RAD54L2: variants seen among roughly 807,000 people sequenced by gnomAD.
RAD54L2 encodes RAD54 like 2.
RAD54L2 carries 27 observed loss-of-function variants against 138.4 expected under a neutral mutation model. That is an observed-to-expected ratio of 0.20 (90% CI 0.14 to 0.27). RAD54L2 has a LOEUF of 0.27. Ranked by LOEUF, RAD54L2 falls within the 10% of genes least tolerant of loss-of-function variation. RAD54L2 has a pLI of 1.00. For missense variants in RAD54L2, 1,396 were observed against 1,890.2 expected (o/e 0.74, Z 4.85); for synonymous variants, 644 against 723.2 (o/e 0.89, Z 1.76).
chr3:51,581,964 C>CTTTTTTTTTTTT, intron 2 of RAD54L2, among the ~76,000 whole-genome samples: 1 of 151,372 alleles, frequency 6.6e-6, no homozygotes. Flanking sequence ...TACTCTGTCA[C>CTTTTTTTTTTTT]CCAGGCTGAA....
chr3:51,562,472 T>C (rs943899267), intron 2 of RAD54L2, among the ~76,000 whole-genome samples: 6 of 152,128 alleles, frequency 3.9e-5, no homozygotes, highest in African/African-American at 1.2e-4. Flanking sequence ...TCAGGTGATC[T>C]GCCCGCCTGG....
chr3:51,622,053 G>A (rs895774406), intron 3 of RAD54L2, among the ~76,000 whole-genome samples: 2 of 152,182 alleles, frequency 1.3e-5, no homozygotes, highest in Non-Finnish European at 2.9e-5. Flanking sequence ...CTTTGGAGGG[G>A]TAGAGGGCCA....
At chr3:51,557,513 A>T (rs1048988124) in intron 2 of RAD54L2, among the ~76,000 whole-genome samples, 3 of 151,704 alleles carry the variant, frequency 2.0e-5, no homozygotes, top group African/African-American at 7.3e-5. Context: ...CTAGATCTAG[A>T]CATTGACACT....
chr3:51,577,371 C>G (rs938595369), intron 2 of RAD54L2, among the ~76,000 whole-genome samples: 2 of 152,142 alleles, frequency 1.3e-5, no homozygotes, highest in Non-Finnish European at 2.9e-5. Context: ...CTGCTTGGTG[C>G]AGAGCTGAGT....
intron 2 of RAD54L2, among the ~76,000 whole-genome samples, chr3:51,565,715 C>T (rs1210809670): frequency 2.6e-5 from 4 of 151,960 alleles, no homozygotes; most frequent in Admixed American, 6.6e-5. Flanking sequence ...TCAGGTGATC[C>T]GCCCGTCTCG....
At chr3:51,651,865 G>A (rs949413486) in intron 19 of RAD54L2, among the ~76,000 whole-genome samples, 1 of 152,196 alleles carries the variant, frequency 6.6e-6, no homozygotes. Context: ...CCTTCCCTTT[G>A]AAAACTGGCA....
At position 51,637,683 on chromosome 3, in the gene RAD54L2, C is replaced by A. The variant is rs753200520; in HGVS notation, c.1682+180C>A. ...GGTGGATATCCACTGTTTCAGTTCTCTGAAAGTTTGGCCTAGAAGTGCTTC... is the reference window on the plus strand; with the variant it reads ...GGTGGATATCCACTGTTTCAGTTCTATGAAAGTTTGGCCTAGAAGTGCTTC... On this transcript the variant is annotated intron_variant, in intron 11 of 22. Transcript: ENST00000684192. This position sits in a 1 kb window ranked among gnomAD's most constrained non-coding sequence, Gnocchi z 5.9. Among the ~76,000 whole-genome samples the A allele has an allele frequency of 3.3e-5, 5 of 152,250 alleles. No homozygotes were observed. Among genetic ancestry groups the A allele is most frequent in the African/African-American group, 1.2e-4 (5 of 41,462 alleles).
At position 51,630,772 on chromosome 3, in the gene RAD54L2, T is replaced by C; in HGVS notation, c.666T>C (p.Ser222=). 6.2e-7 allele frequency: 1 copy of C among 1,613,956 alleles called. No homozygotes were observed. The highest frequency in any genetic ancestry group is 8.5e-7 in the Non-Finnish European group (1 of 1,179,858). ...LHIVDSSESV[S]EDDEEEEKGG... ...TTGTGGACAGCAGTGAATCTGTCAG[T>C]GAAGATGATGAGGAAGAAGAGAAGG... Residue 222 remains serine (S), a synonymous_variant, in exon 7 of 23, where the codon AGT becomes AGC. Transcript: ENST00000684192.
chr3:51,634,989 T>C (rs1316030675), intron 9 of RAD54L2, among the ~76,000 whole-genome samples: 1 of 152,218 alleles, frequency 6.6e-6, no homozygotes, highest in Non-Finnish European at 1.5e-5. Context: ...CCTTTTGTGA[T>C]GTTTGGACAC....
At chr3:51,574,290 G>T (rs1699411728) in intron 2 of RAD54L2, among the ~76,000 whole-genome samples, 1 of 152,104 alleles carries the variant, frequency 6.6e-6, no homozygotes, top group Non-Finnish European at 1.5e-5. Context: ...ATTGTGAATA[G>T]TGCCACGATA....
At chr3:51,641,957 A>T in intron 15 of RAD54L2, 90 bp downstream of exon 15, 1 of 885,892 alleles carries the variant, frequency 1.1e-6, no homozygotes, top group Non-Finnish European at 1.8e-6. Flanking sequence ...TCTCCACTCC[A>T]TCAAATGCAT....
Position 51,637,019 on chromosome 3 carries a change from C to A in RAD54L2, c.1340-142C>A. ...ATCCAGGAGCTTGAATGGCTGGCAC[C>A]CTCTCACCAAGGGGGGCTGACTCTT... On this transcript the variant is annotated intron_variant, in intron 10 of 22. Transcript: ENST00000684192. The surrounding 1 kb of genome is among the most constrained non-coding windows in gnomAD (Gnocchi z 5.9). 1.4e-6 allele frequency: 1 copy of A among 700,790 alleles called. No individual in the cohort carries two copies. Among genetic ancestry groups the A allele is most frequent in the Non-Finnish European group, 2.4e-6 (1 of 410,844 alleles). 43.4% of individuals were successfully genotyped at this position (700,790 alleles called of 1,614,324 possible). A position where few individuals can be genotyped will look rare whatever the true frequency, so the allele number is the denominator to read the frequency against.
intron 19 of RAD54L2, among the ~76,000 whole-genome samples, chr3:51,655,750 T>C (rs1229943443): frequency 1.3e-5 from 2 of 152,340 alleles, no homozygotes; most frequent in African/African-American, 4.8e-5. Flanking sequence ...CTGATTCTCC[T>C]TAGACTTTGA....
intron 7 of RAD54L2, among the ~76,000 whole-genome samples, chr3:51,632,318 A>G (rs1422443822): frequency 1.3e-5 from 2 of 151,898 alleles, no homozygotes; most frequent in African/African-American, 4.8e-5. Context: ...TGTTGAGACG[A>G]AGTCTCACTC....
intron 15 of RAD54L2, 90 bp from the exon 16 acceptor site, chr3:51,643,785 T>C (rs1358428267): frequency 4.0e-6 from 4 of 990,828 alleles, no homozygotes; most frequent in Non-Finnish European, 6.3e-6. Flanking sequence ...TTTCTATTTG[T>C]TTTGCTCTTT....
intron 14 of RAD54L2, among the ~76,000 whole-genome samples, chr3:51,641,149 C>T (rs550891758): frequency 1.6e-4 from 24 of 151,876 alleles, no homozygotes; most frequent in Non-Finnish European, 1.8e-4. Context: ...ACCACAGGCA[C>T]GTGCCACCAT....
chr3:51,663,714 T>C lies in RAD54L2; in HGVS notation c.*294T>C, dbSNP rs1250685714. 5.6e-6 allele frequency: 2 copies of C among 358,260 alleles called. No individual in the cohort carries two copies. Among genetic ancestry groups the C allele is most frequent in the Non-Finnish European group, 1.0e-5 (2 of 196,940 alleles). The allele number at this position is 358,260 out of a possible 1,614,324, so 22.2% of individuals were successfully genotyped here. On this transcript the variant is annotated 3_prime_UTR_variant, in exon 23 of 23. Transcript: ENST00000684192. ...TCCTTCCTGCCTTGCTTATGCTGTC[T>C]GCTTGCTTGCTCGCCCATCTGAGTG...
chr3:51,632,570 C>T (rs1319966461), intron 7 of RAD54L2, among the ~76,000 whole-genome samples: 1 of 146,986 alleles, frequency 6.8e-6, no homozygotes, highest in Non-Finnish European at 1.5e-5. Context: ...GCCAGGATTA[C>T]AGGCACGAGC....
intron 19 of RAD54L2, among the ~76,000 whole-genome samples, chr3:51,647,030 T>C (rs935988104): frequency 3.3e-5 from 5 of 152,174 alleles, no homozygotes; most frequent in Admixed American, 6.5e-5. Flanking sequence ...TAAGATATTA[T>C]AGAACAGTTA....
Sources: allele counts gnomAD v4.1 joint callset (sites outside exome capture counted in the v4.1 genomes callset), GRCh38; gene constraint gnomAD v4.1.1; non-coding constraint Gnocchi (gnomAD v3.1); transcripts MANE v1.5; gene names NCBI Gene and HGNC (gene_info 2026-07-23, HGNC 2026-07-21).